Variants in KDM5B observed in about 807,000 individuals in gnomAD.
KDM5B encodes lysine demethylase 5B, also known as lysine-specific demethylase 5B.
Under a neutral mutation model 193.4 loss-of-function variants are expected in KDM5B, and 144 were observed. The ratio of observed to expected loss-of-function variants is 0.74; its 90% CI spans 0.65 to 0.86. The LOEUF (loss-of-function observed/expected upper bound fraction) is 0.86, where lower values mean the gene tolerates loss of function less well. KDM5B is among the 40% of genes least tolerant of loss of function. KDM5B has a pLI of 0.00. For missense variants in KDM5B, 1,833 were observed against 1,886.9 expected, an observed-to-expected ratio of 0.97 and a Z score of 0.53; for synonymous variants, 668 against 682.6, an observed-to-expected ratio of 0.98 and a Z score of 0.33.
At position 202,730,025 on chromosome 1, in the gene KDM5B, A is replaced by G; in HGVS notation, c.4179T>C (p.Asn1393=). The G allele has an allele frequency of 6.2e-7, 1 of 1,607,576 alleles. No homozygotes were observed. The highest frequency in any genetic ancestry group is 8.5e-7 in the Non-Finnish European group (1 of 1,176,876). The change falls in exon 26 of 27, where the codon AAT becomes AAC. Residue 1393 remains asparagine, a splice_region_variant and synonymous_variant. Transcript: ENST00000367265. ...CATCTCGCTTCCCTCGGCAACAGTC[A>G]TTCTGGGTGGAAGATAGGAAAGTTC... is the stretch of plus-strand genomic sequence containing the variant. ...SSPVRPSSEK[N]DCCRGKRDGI... is the part of the protein sequence containing the mutation.
At chr1:202,740,610 G>A (rs1405870535) in intron 20 of KDM5B, 64 bp downstream of exon 20, 13 of 1,467,244 alleles carry the variant, frequency 8.9e-6, no homozygotes, top group Middle Eastern at 5.1e-4. Context: ...CCTCCCGGAC[G>A]GGGCGCCAAT....
chr1:202,800,902 C>G (rs979019155), intron 1 of KDM5B, among the ~76,000 whole-genome samples: 1 of 152,202 alleles, frequency 6.6e-6, no homozygotes, highest in Non-Finnish European at 1.5e-5. Flanking sequence ...TGTAACAAAG[C>G]AACAAAGCCA....
At chr1:202,756,558 C>T in intron 9 of KDM5B, 42 bp from the exon 10 acceptor site, 1 of 1,482,344 alleles carries the variant, frequency 6.7e-7, no homozygotes, top group Non-Finnish European at 9.1e-7. Context: ...TCCTCACAAA[C>T]TGTCTGTGAC....
chr1:202,778,710 C>A (rs2102307445), intron 1 of KDM5B, among the ~76,000 whole-genome samples: 1 of 152,266 alleles, frequency 6.6e-6, no homozygotes, highest in South Asian at 2.1e-4. Context: ...GCAGCCTCTG[C>A]CTCCCGGGTT....
intron 1 of KDM5B, among the ~76,000 whole-genome samples, chr1:202,786,192 G>T (rs549307681): frequency 1.4e-3 from 11 of 7,844 alleles, no homozygotes; most frequent in Non-Finnish European, 2.5e-3. Flanking sequence ...GACGGGGGGT[G>T]GGGGGGGGGG....
At chr1:202,779,092 G>GT (rs1422970356) in intron 1 of KDM5B, among the ~76,000 whole-genome samples, 4 of 152,030 alleles carry the variant, frequency 2.6e-5, no homozygotes, top group African/African-American at 9.7e-5. Context: ...TTACATCCTT[G>GT]TTTGTTTTAA....
Position 202,764,081 on chromosome 1 carries a change from C to A in KDM5B, c.776G>T (p.Arg259Leu). The A allele has an allele frequency of 1.3e-6, 2 of 1,580,458 alleles. No homozygotes were observed. The highest frequency in any genetic ancestry group is 8.6e-7 in the Non-Finnish European group (1 of 1,165,134). The change falls in exon 6 of 27, where the codon CGA becomes CTA. Residue 259 changes from arginine to leucine, a missense_variant. Arg to Leu is a moderately radical substitution (Grantham distance 102, BLOSUM62 -2). Transcript: ENST00000367265. ...ACATTTTGGAGTTGGACAACCCATT[C>A]GACGTCTCAGATTATGAGTTCTGGC... ...TEARTHNLRR[R>L]MGCPTPKCEN...
At position 202,766,952 on chromosome 1, in the gene KDM5B, G is replaced by A. The variant is rs1656488583; in HGVS notation, c.685C>T (p.Arg229Ter). 6.3e-6 allele frequency: 10 copies of A among 1,580,946 alleles called. No homozygotes were observed. Among genetic ancestry groups the A allele is most frequent in the Non-Finnish European group, 8.5e-6 (10 of 1,171,978 alleles). ...TCTGCTCTCATGCGTTTTGCTCGTC[G>A]GGCTGGGGGGCACGTTTCCGAAGGC... is the stretch of plus-strand genomic sequence containing the variant. ...VQPSETCPPA[R>*]RAKRMRAEAM... The change falls in exon 5 of 27, where the codon CGA becomes TGA. Residue 229 changes from arginine (R) to a stop codon, truncating the protein, a stop_gained. Coordinates refer to ENST00000367265, the MANE Select transcript of KDM5B (RefSeq NM_006618.5). LOFTEE classifies it high-confidence loss of function.
At chr1:202,747,571 A>T (rs12083445) in intron 14 of KDM5B, among the ~76,000 whole-genome samples, 11,958 of 147,268 alleles carry the variant, frequency 0.081, 564 homozygotes, top group African/African-American at 0.14. Context: ...CATATTTTTA[A>T]AAAAAAAAAA....
chr1:202,726,003 C>T lies in KDM5B; in HGVS notation c.*3033G>A, dbSNP rs1055746614. ...AGTGAAATACAAAGAGGCAGAAACC[C>T]ATTACAAAGGGCCTTCAGAGTACAA... On this transcript the variant is annotated 3_prime_UTR_variant, in exon 27 of 27. Coordinates refer to ENST00000367265, the MANE Select transcript of KDM5B (RefSeq NM_006618.5). 3 of 152,176 alleles carry T rather than the reference C, an allele frequency of 2.0e-5. No individual in the cohort carries two copies. The highest frequency in any genetic ancestry group is 7.2e-5 in the African/African-American group (3 of 41,438). The allele number at this position is 152,176 out of a possible 1,614,324, so 9.4% of individuals were successfully genotyped here.
intron 12 of KDM5B, 131 bp from the exon 13 acceptor site, chr1:202,750,909 A>G: frequency 1.2e-6 from 1 of 831,732 alleles, no homozygotes; most frequent in Non-Finnish European, 1.9e-6. Flanking sequence ...AGAAAAAACA[A>G]ATTATTATAG....
In KDM5B at chr1:202,773,799, G is replaced by A. The variant is rs371859601; in HGVS notation, c.406-511C>T. 2.7e-5 allele frequency among the ~76,000 whole-genome samples: 4 copies of A among 150,758 alleles called. 1 individual carries two copies. The highest frequency in any genetic ancestry group is 9.8e-5 in the African/African-American group (4 of 40,978). ...GTTGCCCAGCCCGCAGTGCAATGGC[G>A]CAATCTCGGCTCACTGCAACCTCCG... is the stretch of plus-strand genomic sequence containing the variant. On this transcript the variant is annotated intron_variant, in intron 3 of 26. Coordinates refer to ENST00000367265, the MANE Select transcript of KDM5B (RefSeq NM_006618.5).
chr1:202,731,488 T>C (rs953101216), intron 24 of KDM5B, among the ~76,000 whole-genome samples: 1 of 152,180 alleles, frequency 6.6e-6, no homozygotes, highest in Admixed American at 6.5e-5. Flanking sequence ...CTCTAGCAAA[T>C]GTGGATTATC....
intron 16 of KDM5B, among the ~76,000 whole-genome samples, chr1:202,743,331 T>G (rs1287291101): frequency 1.5e-5 from 1 of 66,812 alleles, no homozygotes; most frequent in African/African-American, 5.1e-5. Flanking sequence ...AGCAAGACCT[T>G]GTCTCAAAAA....
At chr1:202,737,618 A>G (rs768993479) in intron 20 of KDM5B, among the ~76,000 whole-genome samples, 3 of 152,192 alleles carry the variant, frequency 2.0e-5, no homozygotes, top group Non-Finnish European at 2.9e-5. Context: ...AAAAATGTTT[A>G]ACTTGGATGC....
intron 1 of KDM5B, among the ~76,000 whole-genome samples, chr1:202,780,960 C>CT (rs1251660984): frequency 6.6e-6 from 1 of 152,048 alleles, no homozygotes; most frequent in South Asian, 2.1e-4. Flanking sequence ...AGAAAAGAGG[C>CT]TTTTTTAACA....
At chr1:202,761,103 T>G (rs921259536) in intron 7 of KDM5B, among the ~76,000 whole-genome samples, 3 of 151,996 alleles carry the variant, frequency 2.0e-5, no homozygotes, top group Non-Finnish European at 4.4e-5. Flanking sequence ...AAATACAAGT[T>G]TTCCATATTT....
intron 20 of KDM5B, among the ~76,000 whole-genome samples, chr1:202,740,277 AGG>A (rs1429238318): frequency 1.5e-5 from 2 of 130,606 alleles, no homozygotes; most frequent in African/African-American, 2.9e-5. Context: ...GGCCGGGCAG[AGG>A]GGCTCCTCAC....
intron 1 of KDM5B, among the ~76,000 whole-genome samples, chr1:202,799,216 GC>G (rs1383526640): frequency 6.6e-6 from 1 of 152,168 alleles, no homozygotes; most frequent in African/African-American, 2.4e-5. Context: ...TCCCCTTAGA[GC>G]AGATGACAAG....
Sources: allele counts gnomAD v4.1 joint callset (sites outside exome capture counted in the v4.1 genomes callset), GRCh38; gene constraint gnomAD v4.1.1; transcripts MANE v1.5; gene names NCBI Gene and HGNC (gene_info 2026-07-23, HGNC 2026-07-21).